The following GLP2R variants were observed in gnomAD, a reference collection of about 807,000 sequenced individuals.
GLP2R encodes glucagon like peptide 2 receptor.
A neutral mutation model predicts 68.2 loss-of-function variants in GLP2R; 59 were observed. The observed-to-expected ratio is 0.87, with a 90% CI of 0.70 to 1.07. GLP2R has a LOEUF of 1.07. GLP2R is among the 50% of genes least tolerant of loss of function. The pLI, the probability that GLP2R is intolerant of heterozygous loss-of-function variation, is 0.00. For synonymous variants in GLP2R, 270 were observed against 265.4 expected, an observed-to-expected ratio of 1.02 and a Z score of -0.17; for missense variants, 548 against 677.4, an observed-to-expected ratio of 0.81 and a Z score of 2.12.
intron 11 of GLP2R, 78 bp from the exon 12 acceptor site, chr17:9,887,854 G>T: frequency 9.9e-7 from 1 of 1,013,648 alleles, no homozygotes; most frequent in Non-Finnish European, 1.6e-6. Context: ...CCTGTGCAGG[G>T]CTTTGGACGT....
At chr17:9,876,560 C>G (rs1174301346) in intron 10 of GLP2R, among the ~76,000 whole-genome samples, 1 of 152,160 alleles carries the variant, frequency 6.6e-6, no homozygotes. Flanking sequence ...TAAGGACGTT[C>G]CTTTCCTCCA....
chr17:9,888,363 A>G (rs903498946), intron 12 of GLP2R, among the ~76,000 whole-genome samples: 4 of 152,224 alleles, frequency 2.6e-5, no homozygotes, highest in Admixed American at 1.3e-4. Flanking sequence ...CATCAGTAAC[A>G]TGGGAGCAAC....
chr17:9,881,587 A>G (rs558592272), intron 11 of GLP2R, among the ~76,000 whole-genome samples: 1 of 136,088 alleles, frequency 7.3e-6, no homozygotes, highest in Admixed American at 6.9e-5. Context: ...TCACCGTTTT[A>G]GCCGGGATGG....
At chr17:9,888,218 C>T (rs763367945) in intron 12 of GLP2R, among the ~76,000 whole-genome samples, 1 of 152,146 alleles carries the variant, frequency 6.6e-6, no homozygotes, top group Non-Finnish European at 1.5e-5. Context: ...GCTGGAGATG[C>T]AAGGAGTATT....
At chr17:9,882,945 A>C (rs368318778) in intron 11 of GLP2R, among the ~76,000 whole-genome samples, 1 of 150,360 alleles carries the variant, frequency 6.7e-6, no homozygotes, top group African/African-American at 2.4e-5. Context: ...TTTTCCAAAA[A>C]TATGAGATCT....
At chr17:9,840,997 A>C (rs1014417452) in intron 3 of GLP2R, among the ~76,000 whole-genome samples, 1 of 149,942 alleles carries the variant, frequency 6.7e-6, no homozygotes, top group African/African-American at 2.5e-5. Context: ...ATTTGGAGAG[A>C]AGCATGACAT....
At chr17:9,874,356 A>T (rs2067125658) in intron 10 of GLP2R, among the ~76,000 whole-genome samples, 1 of 152,094 alleles carries the variant, frequency 6.6e-6, no homozygotes, top group African/African-American at 2.4e-5. Flanking sequence ...GTTCAAAGAA[A>T]AAGCTTAAGA....
chr17:9,858,874 T>C (rs1445518718), intron 6 of GLP2R, among the ~76,000 whole-genome samples: 1 of 152,224 alleles, frequency 6.6e-6, no homozygotes, highest in African/African-American at 2.4e-5. Context: ...CCTTTGATCA[T>C]GTTGGCAACA....
intron 11 of GLP2R, among the ~76,000 whole-genome samples, chr17:9,886,260 C>A (rs1183994407): frequency 6.6e-6 from 1 of 152,224 alleles, no homozygotes; most frequent in Admixed American, 6.5e-5. Context: ...CTCCTGCTAT[C>A]AGTGGAGCTT....
At chr17:9,862,349 T>C (rs1360065862) in intron 9 of GLP2R, among the ~76,000 whole-genome samples, 1 of 152,172 alleles carries the variant, frequency 6.6e-6, no homozygotes, top group Non-Finnish European at 1.5e-5. Flanking sequence ...TGTGCTCCTG[T>C]ATTGAAGGGC....
intron 7 of GLP2R, among the ~76,000 whole-genome samples, 156 bp from the exon 8 acceptor site, chr17:9,860,983 T>C: frequency 6.6e-6 from 1 of 152,210 alleles, no homozygotes; most frequent in East Asian, 1.9e-4. Context: ...ATGGGCCATG[T>C]GCCACCCTGG....
chr17:9,861,962 A>T, intron 8 of GLP2R, 59 bp from the exon 9 acceptor site: 1 of 1,176,096 alleles, frequency 8.5e-7, no homozygotes, highest in Non-Finnish European at 1.3e-6. Context: ...TGAGGCTTTG[A>T]CTTTCAACCT....
chr17:9,870,476 A>G (rs540968085), intron 9 of GLP2R, among the ~76,000 whole-genome samples: 2 of 152,288 alleles, frequency 1.3e-5, no homozygotes, highest in East Asian at 3.9e-4. Flanking sequence ...TAATAAACTA[A>G]ATCACTTTCT....
chr17:9,850,404 G>C (rs571582724), intron 4 of GLP2R, among the ~76,000 whole-genome samples: 14 of 152,302 alleles, frequency 9.2e-5, no homozygotes, highest in African/African-American at 2.4e-4. Context: ...TACCACAAGT[G>C]CATGCATTTC....
At chr17:9,871,417 G>T (rs2067091688) in intron 10 of GLP2R, among the ~76,000 whole-genome samples, 1 of 152,020 alleles carries the variant, frequency 6.6e-6, no homozygotes, top group Admixed American at 6.6e-5. Flanking sequence ...AGAGAAGTTT[G>T]GCAGTTGCCT....
intron 3 of GLP2R, among the ~76,000 whole-genome samples, chr17:9,838,377 T>C (rs2066753435): frequency 6.6e-6 from 1 of 152,178 alleles, no homozygotes; most frequent in Admixed American, 6.5e-5. Flanking sequence ...CAGCTGCCGC[T>C]TGGTCCGCGG....
At chr17:9,852,530 A>G (rs2066900725) in intron 4 of GLP2R, among the ~76,000 whole-genome samples, 1 of 152,234 alleles carries the variant, frequency 6.6e-6, no homozygotes, top group South Asian at 2.1e-4. Flanking sequence ...CCATCTTAAG[A>G]AACTAGGAAA....
intron 4 of GLP2R, among the ~76,000 whole-genome samples, chr17:9,847,494 G>T (rs1469552349): frequency 1.3e-5 from 2 of 151,982 alleles, no homozygotes; most frequent in Non-Finnish European, 2.9e-5. Context: ...GGTCTCGAAT[G>T]CCTGACCTCG....
intron 4 of GLP2R, 69 bp downstream of exon 4, chr17:9,842,685 G>A: frequency 6.4e-7 from 1 of 1,559,668 alleles, no homozygotes; most frequent in Non-Finnish European, 8.8e-7. Flanking sequence ...CACCCCAGTG[G>A]CCTGCTGGCT....
Sources: allele counts gnomAD v4.1 joint callset (sites outside exome capture counted in the v4.1 genomes callset), GRCh38; gene constraint gnomAD v4.1.1; transcripts MANE v1.5; gene names NCBI Gene and HGNC (gene_info 2026-07-23, HGNC 2026-07-21).